Variants in LTF observed in about 807,000 individuals in gnomAD.
LTF encodes the protein epididymis luminal protein 110.
LTF carries 91 observed loss-of-function variants against 87.2 expected under a neutral mutation model. That is an observed-to-expected ratio of 1.04 (90% CI 0.88 to 1.24). The LOEUF (loss-of-function observed/expected upper bound fraction) is 1.24, where lower values mean the gene tolerates loss of function less well. Ranked by LOEUF, LTF falls within the 50% of genes most tolerant of loss-of-function variation. The pLI is 0.00. For synonymous variants in LTF, 378 were observed against 356.1 expected (o/e 1.06, Z -0.69); for missense variants, 901 against 904.3 (o/e 1.00, Z 0.05).
At chr3:46,477,476 A>G (rs1158383763) in intron 1 of LTF, among the ~76,000 whole-genome samples, 2 of 152,194 alleles carry the variant, frequency 1.3e-5, no homozygotes, top group Non-Finnish European at 2.9e-5. Context: ...GAGTGGTTAA[A>G]CATCGCAGGC....
At position 46,464,825 on chromosome 3, in the gene LTF, C is replaced by T. The variant is rs1403022498; in HGVS notation, c.43G>A (p.Gly15Arg). Reference protein sequence around the residue: ...FLVLLFLGALGLCLAGRRRSV... With the variant: ...FLVLLFLGALRLCLAGRRRSV... ...CGCGCCCCCAGGCACCTGCACTCAC[C>T]GAGGGCCCCGAGGAACAGCAGGACG... The change falls in exon 1 of 17, where the codon GGA (glycine) becomes AGA (arginine). Residue 15 changes from glycine (G) to arginine (R), a missense_variant and splice_region_variant. Coordinates refer to ENST00000231751, the MANE Select transcript of LTF (RefSeq NM_002343.6). 4.3e-6 allele frequency: 7 copies of T among 1,613,934 alleles called. No homozygotes were observed. The highest frequency in any genetic ancestry group is 2.2e-5 in the East Asian group (1 of 44,880).
At chr3:46,454,263 A>T (rs1274877255) in intron 6 of LTF, 42 bp downstream of exon 6, 1 of 1,580,852 alleles carries the variant, frequency 6.3e-7, no homozygotes, top group Non-Finnish European at 8.7e-7. Flanking sequence ...ATCAAGTAAG[A>T]TAAAAGGGGT....
intron 1 of LTF, among the ~76,000 whole-genome samples, chr3:46,473,519 A>C (rs1703320048): frequency 6.6e-6 from 1 of 152,268 alleles, no homozygotes; most frequent in Non-Finnish European, 1.5e-5. Flanking sequence ...ATTATCTTAC[A>C]ATGCTGAAGA....
At chr3:46,440,051 T>C (rs930938633) in intron 14 of LTF, among the ~76,000 whole-genome samples, 1 of 152,168 alleles carries the variant, frequency 6.6e-6, no homozygotes, top group Non-Finnish European at 1.5e-5. Flanking sequence ...GGTGCAAGGG[T>C]TTCTTTATGG....
In LTF at chr3:46,459,718, G is replaced by T; in HGVS notation, c.145C>A (p.Arg49Ser). ...TTTATGCAGCTGACAGGAGGGCCACGCACTTTTCTCATATTCCTTTGCCAT... is the reference window on the plus strand; with the variant it reads ...TTTATGCAGCTGACAGGAGGGCCACTCACTTTTCTCATATTCCTTTGCCAT... The part of the protein sequence containing the change: ...FQWQRNMRKV[R>S]GPPVSCIKRD... The change falls in exon 2 of 17, where the codon CGT becomes AGT. Residue 49 changes from arginine to serine, a missense_variant. Arg to Ser is a moderately radical substitution (Grantham distance 110, BLOSUM62 -1). Coordinates refer to ENST00000231751, the MANE Select transcript of LTF (RefSeq NM_002343.6). 10 of 1,579,218 alleles carry T rather than the reference G, an allele frequency of 6.3e-6. No individual in the cohort carries two copies. The highest frequency in any genetic ancestry group is 7.7e-6 in the Non-Finnish European group (9 of 1,165,662).
At chr3:46,440,301 T>G (rs1234648908) in intron 14 of LTF, among the ~76,000 whole-genome samples, 1 of 152,212 alleles carries the variant, frequency 6.6e-6, no homozygotes, top group African/African-American at 2.4e-5. Flanking sequence ...AATTGGTTTC[T>G]CCTCCCTTTC....
intron 1 of LTF, among the ~76,000 whole-genome samples, chr3:46,480,731 G>A (rs544689391): frequency 4.9e-4 from 75 of 152,206 alleles, no homozygotes; most frequent in African/African-American, 1.7e-3. Context: ...GTTATTTTAC[G>A]GGTCACTCTG....
At chr3:46,484,341 T>C (rs1482084152) in intron 1 of LTF, among the ~76,000 whole-genome samples, 1 of 152,168 alleles carries the variant, frequency 6.6e-6, no homozygotes, top group East Asian at 1.9e-4. Context: ...ACACTTACCA[T>C]AGGATGCTGC....
At chr3:46,467,317 G>A (rs759418571), upstream of LTF, among the ~76,000 whole-genome samples, 1 of 152,104 alleles carries the variant, frequency 6.6e-6, no homozygotes, top group Non-Finnish European at 1.5e-5. Context: ...ACAGCACTAT[G>A]GGGGAGGGAC....
upstream of LTF, among the ~76,000 whole-genome samples, chr3:46,466,499 A>C (rs1253454532): frequency 1.3e-5 from 2 of 152,212 alleles, no homozygotes; most frequent in African/African-American, 2.4e-5. Flanking sequence ...GCCATGGAGA[A>C]GCAGGCTCAG....
chr3:46,473,195 G>T (rs1703317253), intron 1 of LTF, among the ~76,000 whole-genome samples: 1 of 152,090 alleles, frequency 6.6e-6, no homozygotes, highest in African/African-American at 2.4e-5. Context: ...GCTAACCATG[G>T]TTCCAAGGAA....
At chr3:46,440,011 T>C (rs1702480387) in intron 14 of LTF, among the ~76,000 whole-genome samples, 1 of 152,246 alleles carries the variant, frequency 6.6e-6, no homozygotes, top group South Asian at 2.1e-4. Context: ...TTGCCAATGC[T>C]GAAGAAGGAT....
At chr3:46,478,284 C>G (rs1172276977) in intron 1 of LTF, among the ~76,000 whole-genome samples, 7 of 152,166 alleles carry the variant, frequency 4.6e-5, no homozygotes, top group Non-Finnish European at 7.3e-5. Flanking sequence ...CCAGCTGCGT[C>G]CCGACTGTCA....
At position 46,439,369 on chromosome 3, in the gene LTF, A is replaced by T. The variant is rs991546034; in HGVS notation, c.1835T>A (p.Met612Lys). 1.2e-6 allele frequency: 2 copies of T among 1,614,122 alleles called. No homozygotes were observed. The highest frequency in any genetic ancestry group is 2.7e-5 in the African/African-American group (2 of 74,948). Residue 612 changes from methionine (M) to lysine (K), a missense_variant, in exon 15 of 17, where the codon ATG (methionine) becomes AAG (lysine). Transcript: ENST00000231751. ...VTEARSCHLA[M>K]APNHAVVSRM... ...AGACACCACGGCATGATTCGGGGCC[A>T]TGGCAAGATGGCAGCTTCTAGCCTC...
chr3:46,482,712 GAAA>G (rs1703463199), intron 1 of LTF, among the ~76,000 whole-genome samples: 1 of 104,474 alleles, frequency 9.6e-6, no homozygotes, highest in African/African-American at 4.2e-5. Context: ...AGGAAAGAAA[GAAA>G]GAGAAAGAAA....
At chr3:46,468,219 C>A (rs1267068797), upstream of LTF, 1 of 456,752 alleles carries the variant, frequency 2.2e-6, no homozygotes. Context: ...CCAGGCCATG[C>A]CAAAGCCTGT....
At chr3:46,460,947 C>A (rs1287073826) in intron 1 of LTF, among the ~76,000 whole-genome samples, 1 of 152,068 alleles carries the variant, frequency 6.6e-6, no homozygotes, top group Non-Finnish European at 1.5e-5. Flanking sequence ...AAATTAAGAA[C>A]ATAATGCTAG....
chr3:46,441,651 C>A (rs1702515873), intron 13 of LTF, 168 bp from the exon 14 acceptor site: 1 of 581,510 alleles, frequency 1.7e-6, no homozygotes, highest in Admixed American at 3.4e-5. Context: ...CACAGGTGTA[C>A]CTGCCCTCCT....
chr3:46,446,341 G>A, intron 11 of LTF, 99 bp downstream of exon 11: 1 of 922,406 alleles, frequency 1.1e-6, no homozygotes, highest in Non-Finnish European at 1.7e-6. Flanking sequence ...ATAGCTTCTA[G>A]GGCTGCAATT....
Sources: allele counts gnomAD v4.1 joint callset (sites outside exome capture counted in the v4.1 genomes callset), GRCh38; gene constraint gnomAD v4.1.1; transcripts MANE v1.5; gene names NCBI Gene and HGNC (gene_info 2026-07-23, HGNC 2026-07-21).